The following ZNF189 variants were observed in gnomAD, a reference collection of about 807,000 sequenced individuals.
The protein encoded by ZNF189 is zinc finger protein 189.
In ZNF189, 33 loss-of-function variants were observed where a neutral mutation model predicts 53.5. The observed-to-expected ratio is 0.62, with a 90% CI of 0.47 to 0.82. The LOEUF (loss-of-function observed/expected upper bound fraction) is 0.82. Among genes scored for constraint, ZNF189 ranks in the 40% least tolerant of loss-of-function variants. ZNF189 has a pLI of 0.00. For missense variants in ZNF189, 711 were observed against 753.9 expected (o/e 0.94, Z 0.67); for synonymous variants, 247 against 238.8 (o/e 1.03, Z -0.32).
chr9:101,409,096 T>C lies in ZNF189; in HGVS notation c.1328T>C (p.Leu443Pro), dbSNP rs765277103. 1.2e-6 allele frequency: 2 copies of C among 1,613,844 alleles called. No individual in the cohort carries two copies. Among genetic ancestry groups the C allele is most frequent in the South Asian group, 2.2e-5 (2 of 91,038 alleles). The change falls in exon 3 of 3, where the codon CTT becomes CCT. Residue 443 changes from leucine to proline, a missense_variant. Leu to Pro is a moderately conservative substitution (Grantham distance 98, BLOSUM62 -3). Transcript: ENST00000339664. ...GAAAGTTTTGATCCAAATTGCAGTC[T>C]TGTTATACAGCAGGAAGTCTACCCT... ...TKESFDPNCS[L>P]VIQQEVYPKE... is the part of the protein sequence containing the mutation.
chr9:101,406,185 G>A (rs1465405577), intron 2 of ZNF189, among the ~76,000 whole-genome samples: 3 of 152,258 alleles, frequency 2.0e-5, no homozygotes, highest in Admixed American at 6.5e-5. Context: ...ATAGGAAGAG[G>A]TTGGGCTTGG....
chr9:101,406,505 A>T (rs1232067140), intron 2 of ZNF189, among the ~76,000 whole-genome samples: 2 of 152,176 alleles, frequency 1.3e-5, no homozygotes, highest in East Asian at 3.8e-4. Context: ...ATGTTTTTTC[A>T]TTATGTGAAA....
Position 101,399,128 on chromosome 9 carries a change from A to G in ZNF189, c.-29A>G, listed in dbSNP as rs1420243270. 9 of 1,568,004 alleles carry G rather than the reference A, an allele frequency of 5.7e-6. No individual in the cohort carries two copies. The South Asian group carries it at 6.7e-5, about 12-fold the overall frequency. On this transcript the variant is annotated 5_prime_UTR_variant, in exon 1 of 3. Transcript: ENST00000339664. ...GGCTCCTTTCCGTGAGGCCGCCCCC[A>G]ATTCCTGCCCCTATTCTCTGCCTGG...
rs753424938 is a variant in ZNF189 at position 101,408,520 on chromosome 9, A to G, written c.752A>G (p.Gln251Arg). ...FSQRRSLVKH[Q>R]RIHTGEKPHK... Reference sequence around the variant, plus strand: ...CAGAGAAGGAGCCTTGTTAAACATCAAAGGATTCATACAGGTGAGAAACCC... The same window carrying G: ...CAGAGAAGGAGCCTTGTTAAACATCGAAGGATTCATACAGGTGAGAAACCC... Residue 251 changes from glutamine (Q) to arginine (R), a missense_variant, in exon 3 of 3, where the codon CAA becomes CGA. Physicochemically the swap from Gln to Arg is conservative, Grantham distance 43. Coordinates refer to ENST00000339664, the MANE Select transcript of ZNF189 (RefSeq NM_003452.4). The G allele has an allele frequency of 2.7e-5, 43 of 1,614,078 alleles. No homozygotes were observed. The highest frequency in any genetic ancestry group is 2.0e-4 in the Admixed American group (12 of 60,010).
At chr9:101,402,657 T>G (rs958335292) in intron 2 of ZNF189, among the ~76,000 whole-genome samples, 2 of 152,198 alleles carry the variant, frequency 1.3e-5, no homozygotes, top group Non-Finnish European at 2.9e-5. Context: ...TTTATCATAC[T>G]ATACTACAAT....
rs370921898 is a variant in ZNF189, at chr9:101,399,205, C to T, written c.33+16C>T. The T allele has an allele frequency of 3.8e-6, 6 of 1,576,710 alleles. No homozygotes were observed. The highest frequency in any genetic ancestry group is 1.4e-5 in the African/African-American group (1 of 73,980). On this transcript the variant is annotated intron_variant, in intron 1 of 2. Transcript: ENST00000339664. ...GGAGTCGAAGGTAAGTAAGCACCCC[C>T]CCGGGGATCCCGGTTGTCTCGCCGC...
intron 2 of ZNF189, among the ~76,000 whole-genome samples, chr9:101,401,118 A>G (rs1261057244): frequency 2.0e-5 from 3 of 152,130 alleles, no homozygotes; most frequent in Admixed American, 1.3e-4. Context: ...TCTCTTTCCT[A>G]CCCAAATTGC....
chr9:101,399,171 C>CCCCG lies in ZNF189; in HGVS notation c.18_19insGCCC (p.Pro7AlafsTer12). The CCCCG allele has an allele frequency of 6.3e-7, 1 of 1,591,638 alleles. No individual in the cohort carries two copies. The highest frequency in any genetic ancestry group is 8.6e-7 in the Non-Finnish European group (1 of 1,161,636). ...CTGCCTGGGAGATGGCTTCCCCGAGCCCCCCGCCGGAGTCGAAGGTAAGTA... is the reference window on the plus strand; with the variant it reads ...CTGCCTGGGAGATGGCTTCCCCGAGCCCCGCCCCCGCCGGAGTCGAAGGTAAGTA... On this transcript the variant is annotated frameshift_variant, in exon 1 of 3. Transcript: ENST00000339664. LOFTEE classifies it high-confidence loss of function.
Position 101,399,004 on chromosome 9 carries a change from G to C in ZNF189, c.-153G>C. The C allele has an allele frequency of 1.4e-6, 1 of 723,000 alleles. No homozygotes were observed. Among genetic ancestry groups the C allele is most frequent in the South Asian group, 1.5e-5 (1 of 67,580 alleles). 44.8% of individuals were successfully genotyped at this position (723,000 alleles called of 1,614,324 possible). On this transcript the variant is annotated 5_prime_UTR_variant, in exon 1 of 3. Coordinates refer to ENST00000339664, the MANE Select transcript of ZNF189 (RefSeq NM_003452.4). ...TCGCGTCTGATATGCTGTTGGGGTC[G>C]TGACCGTCTGGGGGCCGAGGCAGGC...
chr9:101,408,953 A>G lies in ZNF189; in HGVS notation c.1185A>G (p.Thr395=). ...TTACTCGTCATCAGAGAATTCACAC[A>G]GGAGACAAGCCCCATAAATGTGAGG... is the stretch of plus-strand genomic sequence containing the variant. ...CNLTRHQRIH[T]GDKPHKCEEC... The change falls in exon 3 of 3, where the codon ACA becomes ACG. Residue 395 remains threonine (T), a synonymous_variant. Coordinates refer to ENST00000339664, the MANE Select transcript of ZNF189 (RefSeq NM_003452.4). The G allele has an allele frequency of 6.2e-7, 1 of 1,613,952 alleles. No individual in the cohort carries two copies.
At chr9:101,400,094 T>C in intron 2 of ZNF189, 84 bp downstream of exon 2, 1 of 1,516,158 alleles carries the variant, frequency 6.6e-7, no homozygotes, top group South Asian at 1.2e-5. Context: ...CGGAAACCAG[T>C]ACCAAAACTG....
rs545429986 is a variant in ZNF189 at position 101,408,179 on chromosome 9, C to A, written c.411C>A (p.Ile137=). 7.4e-6 allele frequency: 12 copies of A among 1,614,092 alleles called. No homozygotes were observed. In the South Asian group the frequency reaches 1.1e-4, roughly 15 times the overall value. Reference sequence around the variant, plus strand: ...TGTTCAGAGAAAACACTAACATTATCCGTAAAAGACCAAACTCAGAAGAGA... The same window carrying A: ...TGTTCAGAGAAAACACTAACATTATACGTAAAAGACCAAACTCAGAAGAGA... ...QRMFRENTNI[I]RKRPNSEEKC... is the part of the protein sequence containing the mutation. Residue 137 remains isoleucine (I), a synonymous_variant, in exon 3 of 3, where the codon ATC becomes ATA. Transcript: ENST00000339664.
At position 101,409,618 on chromosome 9, in the gene ZNF189, A is replaced by C. The variant is rs759077787; in HGVS notation, c.1850A>C (p.His617Pro). 1.9e-6 allele frequency: 3 copies of C among 1,611,512 alleles called. No individual in the cohort carries two copies. In the African/African-American group the frequency reaches 4.0e-5, roughly 22 times the overall value. ...AATTGCCGTATTTCTCTTATTCAGC[A>C]TCAGAAATTGCACACAGCATGGATG... ...AFNCRISLIQ[H>P]QKLHTAWMQ is the part of the protein sequence containing the mutation. Residue 617 changes from histidine (H) to proline (P), a missense_variant, in exon 3 of 3, where the codon CAT becomes CCT. His to Pro is a moderately conservative substitution (Grantham distance 77). Transcript: ENST00000339664.
intron 2 of ZNF189, chr9:101,407,435 G>T (rs1830754912): frequency 2.5e-6 from 1 of 398,240 alleles, no homozygotes; most frequent in South Asian, 1.3e-4. Flanking sequence ...GCCTAGGCTG[G>T]TGTGCAGCGA....
Position 101,409,192 on chromosome 9 carries a change from A to C in ZNF189, c.1424A>C (p.Gln475Pro). Residue 475 changes from glutamine to proline, a missense_variant, in exon 3 of 3, where the codon CAA becomes CCA. Physicochemically the swap from Gln to Pro is moderately conservative, Grantham distance 76. Transcript: ENST00000339664. ...FSVSAHLVQH[Q>P]RIHTGEKPYL... The stretch of plus-strand genomic sequence containing the variant: ...GTTAGTGCTCATCTTGTACAACATC[A>C]AAGAATCCACACTGGTGAAAAGCCC... The C allele has an allele frequency of 1.2e-6, 2 of 1,614,112 alleles. No individual in the cohort carries two copies. Among genetic ancestry groups the C allele is most frequent in the East Asian group, 2.2e-5 (1 of 44,864 alleles).
At chr9:101,405,181 C>A (rs868697559) in intron 2 of ZNF189, among the ~76,000 whole-genome samples, 6 of 152,124 alleles carry the variant, frequency 3.9e-5, no homozygotes, top group South Asian at 2.1e-4. Flanking sequence ...GAGCTTGATT[C>A]GATCTTAAAG....
rs1166109539 is a variant in ZNF189, at chr9:101,408,824, T to C, written c.1056T>C (p.Ser352=). 4 of 1,613,960 alleles carry C rather than the reference T, an allele frequency of 2.5e-6. No individual in the cohort carries two copies. Among genetic ancestry groups the C allele is most frequent in the Non-Finnish European group, 3.4e-6 (4 of 1,180,018 alleles). The change falls in exon 3 of 3, where the codon AGT becomes AGC. Residue 352 remains serine (S), a synonymous_variant. Coordinates refer to ENST00000339664, the MANE Select transcript of ZNF189 (RefSeq NM_003452.4). ...KPFLCIECGK[S]FSRSSFLIEH... ...TTCTTTGTATTGAGTGTGGAAAAAG[T>C]TTCAGTCGGAGCTCATTCCTTATTG... is the stretch of plus-strand genomic sequence containing the variant.
At position 101,408,965 on chromosome 9, in the gene ZNF189, C is replaced by G. The variant is rs758591365; in HGVS notation, c.1197C>G (p.Pro399=). Residue 399 remains proline, a synonymous_variant, in exon 3 of 3, where the codon CCC becomes CCG. Coordinates refer to ENST00000339664, the MANE Select transcript of ZNF189 (RefSeq NM_003452.4). ...AGAGAATTCACACAGGAGACAAGCC[C>G]CATAAATGTGAGGAATGTGGAAAAG... ...RHQRIHTGDK[P]HKCEECGKAF... 2.5e-6 allele frequency: 4 copies of G among 1,613,672 alleles called. No homozygotes were observed. The highest frequency in any genetic ancestry group is 3.4e-6 in the Non-Finnish European group (4 of 1,179,962).
In ZNF189 at chr9:101,409,527, CAG is replaced by C; in HGVS notation, c.1761_1762del (p.Lys588AspfsTer12). 6.2e-7 allele frequency: 1 copy of C among 1,614,060 alleles called. No homozygotes were observed. Among genetic ancestry groups the C allele is most frequent in the African/African-American group, 1.3e-5 (1 of 75,056 alleles). Reference protein sequence around the residue: ...FSQQRSLVNHQKIHAEVKTQE... With the variant: ...FSQQRSLVNHXKIHAEVKTQE... Reference sequence around the variant, plus strand: ...TCAACAGCGCAGTCTTGTCAACCATCAGAAGATCCATGCAGAGGTGAAAACCC... The same window carrying C: ...TCAACAGCGCAGTCTTGTCAACCATCAAGATCCATGCAGAGGTGAAAACCC... On this transcript the variant is annotated frameshift_variant, in exon 3 of 3. Transcript: ENST00000339664. LOFTEE classifies it high-confidence loss of function.
Sources: gnomAD v4.1 joint callset for allele counts (sites outside exome capture counted in the v4.1 genomes callset) on GRCh38, gnomAD v4.1.1 for gene constraint, MANE v1.5 for transcripts, NCBI Gene and HGNC (gene_info 2026-07-23, HGNC 2026-07-21) for gene names.